MAP4K4: variants seen among roughly 807,000 people sequenced by gnomAD.
The protein encoded by MAP4K4 is HPK/GCK-like kinase HGK.
Under a neutral mutation model 189.6 loss-of-function variants are expected in MAP4K4, and 38 were observed. That is an observed-to-expected ratio of 0.20 (90% CI 0.15 to 0.26). The LOEUF (loss-of-function observed/expected upper bound fraction) is 0.26, where lower values mean the gene tolerates loss of function less well. Among genes scored for constraint, MAP4K4 ranks in the 10% least tolerant of loss-of-function variants. The probability of loss-of-function intolerance (pLI) is 1.00; values close to 1 mark genes in which losing one functional copy is unlikely to be tolerated. For synonymous variants in MAP4K4, 610 were observed against 624.3 expected, an observed-to-expected ratio of 0.98 and a Z score of 0.34; for missense variants, 1,054 against 1,726.9, an observed-to-expected ratio of 0.61 and a Z score of 6.91.
intron 3 of MAP4K4, among the ~76,000 whole-genome samples, chr2:101,803,245 A>ATGATGATGATGTGTG (rs1553484242): frequency 3.3e-5 from 5 of 150,244 alleles, no homozygotes; most frequent in African/African-American, 1.2e-4. Context: ...GATGATGATG[A>ATGATGATGATGTGTG]TGTGTGTGTG....
At chr2:101,796,693 A>G (rs557188111) in intron 3 of MAP4K4, among the ~76,000 whole-genome samples, 1 of 152,294 alleles carries the variant, frequency 6.6e-6, no homozygotes, top group African/African-American at 2.4e-5. Flanking sequence ...TTTTAGTTTT[A>G]AGACTACAGT....
intron 15 of MAP4K4, 109 bp from the exon 16 acceptor site, chr2:101,860,715 GA>G: frequency 1.1e-6 from 1 of 901,442 alleles, no homozygotes; most frequent in Non-Finnish European, 1.6e-6. Context: ...TCTGGTAGCA[GA>G]AGAAAACAGA....
At chr2:101,745,547 T>A (rs1225936523) in intron 2 of MAP4K4, among the ~76,000 whole-genome samples, 1 of 152,088 alleles carries the variant, frequency 6.6e-6, no homozygotes, top group African/African-American at 2.4e-5. Context: ...AGCTTTTTCT[T>A]ATTGTATGTG....
intron 9 of MAP4K4, among the ~76,000 whole-genome samples, chr2:101,837,169 C>G (rs748528706): frequency 2.7e-5 from 4 of 149,012 alleles, no homozygotes; most frequent in Non-Finnish European, 4.4e-5. Flanking sequence ...AGGTTCTTGA[C>G]TCTCCTTCTG....
At chr2:101,844,922 T>G (rs962735583) in intron 12 of MAP4K4, among the ~76,000 whole-genome samples, 1 of 151,862 alleles carries the variant, frequency 6.6e-6, no homozygotes, top group Non-Finnish European at 1.5e-5. Context: ...ATCCCAGAAC[T>G]TAAAGTAAAA....
exon 15 of MAP4K4, chr2:101,859,827 C>T (rs765621970): frequency 6.2e-7 from 1 of 1,609,864 alleles, no homozygotes; most frequent in East Asian, 2.2e-5. Flanking sequence ...GCTCCCGAGC[C>T]CAAAGCCCAC....
At chr2:101,814,831 G>C (rs1338141611) in intron 3 of MAP4K4, among the ~76,000 whole-genome samples, 1 of 152,170 alleles carries the variant, frequency 6.6e-6, no homozygotes, top group Non-Finnish European at 1.5e-5. Flanking sequence ...GCAGGAGTTG[G>C]GGTAGCTTAA....
At chr2:101,835,436 A>G (rs925201302) in intron 8 of MAP4K4, among the ~76,000 whole-genome samples, 2 of 152,284 alleles carry the variant, frequency 1.3e-5, no homozygotes, top group African/African-American at 4.8e-5. Flanking sequence ...TTCATGCTCA[A>G]TTTTTGCTCT....
At chr2:101,849,686 A>G (rs1476772089) in intron 12 of MAP4K4, among the ~76,000 whole-genome samples, 1 of 145,200 alleles carries the variant, frequency 6.9e-6, no homozygotes, top group Admixed American at 6.9e-5. Flanking sequence ...CTGTACTTTC[A>G]TGACACTCAC....
At chr2:101,729,073 G>GAA (rs2057047140) in intron 2 of MAP4K4, among the ~76,000 whole-genome samples, 1 of 36,972 alleles carries the variant, frequency 2.7e-5, no homozygotes, top group Non-Finnish European at 6.0e-5. Flanking sequence ...AATGATTAGA[G>GAA]AGAGGAGAGA....
Position 101,860,606 on chromosome 2 carries a change from T to G in MAP4K4, c.1705-219T>G, listed in dbSNP as rs1160286477. 4 of 473,160 alleles carry G rather than the reference T, an allele frequency of 8.5e-6. No individual in the cohort carries two copies. In the Admixed American group the frequency reaches 1.1e-4, roughly 13 times the overall value. The allele number at this position is 473,160 out of a possible 1,614,324, so 29.3% of individuals were successfully genotyped here. A position where few individuals can be genotyped will look rare whatever the true frequency, so the allele number is the denominator to read the frequency against. ...TGAGCAAGGAGGAGAGCTTAGAGAC[T>G]GCCTTGCTAATTTTTATCTTCATAA... On this transcript the variant is annotated intron_variant, in intron 15 of 32. Coordinates refer to ENST00000324219, the Ensembl canonical transcript of MAP4K4.
At chr2:101,757,592 A>G (rs997255087) in intron 2 of MAP4K4, among the ~76,000 whole-genome samples, 2 of 152,248 alleles carry the variant, frequency 1.3e-5, no homozygotes, top group African/African-American at 4.8e-5. Context: ...CACGGGGGAT[A>G]CATTCCAAGA....
intron 2 of MAP4K4, among the ~76,000 whole-genome samples, chr2:101,763,146 C>G (rs944936992): frequency 1.3e-5 from 2 of 152,208 alleles, no homozygotes; most frequent in African/African-American, 4.8e-5. Context: ...TAAGTCCACT[C>G]TGTCATTAGC....
chr2:101,748,528 G>A (rs1452727819), intron 2 of MAP4K4, among the ~76,000 whole-genome samples: 1 of 152,124 alleles, frequency 6.6e-6, no homozygotes, highest in Non-Finnish European at 1.5e-5. Context: ...AAGGAATGAG[G>A]CCAGGTGCGT....
intron 2 of MAP4K4, among the ~76,000 whole-genome samples, chr2:101,715,382 G>T (rs2149363153): frequency 6.6e-6 from 1 of 152,222 alleles, no homozygotes; most frequent in Admixed American, 6.5e-5. Context: ...AATTTTTGGG[G>T]GATCACGGTT....
chr2:101,711,999 A>G (rs1385770577), intron 2 of MAP4K4, among the ~76,000 whole-genome samples: 6 of 120,760 alleles, frequency 5.0e-5, no homozygotes, highest in Non-Finnish European at 8.6e-5. Context: ...TTGCTTTTTA[A>G]TGATTCCTTT....
At chr2:101,881,944 G>A (rs1343195569) in intron 27 of MAP4K4, among the ~76,000 whole-genome samples, 3 of 152,080 alleles carry the variant, frequency 2.0e-5, no homozygotes, top group African/African-American at 7.2e-5. Context: ...ATTGTTTCCT[G>A]TTTGGAGCTA....
At chr2:101,750,365 A>G (rs1024089380) in intron 2 of MAP4K4, among the ~76,000 whole-genome samples, 2 of 139,560 alleles carry the variant, frequency 1.4e-5, no homozygotes, top group Non-Finnish European at 1.5e-5. Flanking sequence ...TTGTAGGGAC[A>G]TGGATGAAAT....
chr2:101,842,548 C>T, intron 10 of MAP4K4, 61 bp from the exon 11 acceptor site: 2 of 1,226,852 alleles, frequency 1.6e-6, no homozygotes, highest in Non-Finnish European at 2.3e-6. Flanking sequence ...AGATGCTTGT[C>T]TGAACAGGCG....
Sources: gnomAD v4.1 joint callset for allele counts (sites outside exome capture counted in the v4.1 genomes callset) on GRCh38, gnomAD v4.1.1 for gene constraint, MANE v1.5 for transcripts, NCBI Gene and HGNC (gene_info 2026-07-23, HGNC 2026-07-21) for gene names.